The following MNAT1 variants were observed in gnomAD, a reference collection of about 807,000 sequenced individuals.
MNAT1 encodes MNAT1 component of CDK activating kinase.
MNAT1 carries 43 observed loss-of-function variants against 42.0 expected under a neutral mutation model. That is an observed-to-expected ratio of 1.02 (90% confidence interval 0.80 to 1.32). MNAT1 has a LOEUF of 1.32. Among genes scored for constraint, MNAT1 ranks in the 40% most tolerant of loss-of-function variants. The pLI is 0.00. For synonymous variants in MNAT1, 118 were observed against 120.0 expected, an observed-to-expected ratio of 0.98 and a Z score of 0.11; for missense variants, 306 against 350.4, an observed-to-expected ratio of 0.87 and a Z score of 1.01.
chr14:60,803,704 A>G (rs772827222), intron 3 of MNAT1, among the ~76,000 whole-genome samples: 1 of 152,218 alleles, frequency 6.6e-6, no homozygotes, highest in Non-Finnish European at 1.5e-5. Context: ...ATCTGGAGTA[A>G]GAAAACTAGA....
chr14:60,790,621 C>T (rs1276141215), intron 1 of MNAT1, among the ~76,000 whole-genome samples: 1 of 152,142 alleles, frequency 6.6e-6, no homozygotes, highest in African/African-American at 2.4e-5. Flanking sequence ...AAGCTGTACT[C>T]GACCACTTTG....
At position 60,869,040 on chromosome 14, in the gene MNAT1, A is replaced by ATATATATATATATATATATATTT. The variant is rs1465360826; in HGVS notation, c.688-10673_688-10672insATATATATATATATATATATTTT. Among the ~76,000 whole-genome samples, 339 of 112,900 alleles carry ATATATATATATATATATATATTT rather than the reference A, an allele frequency of 3.0e-3. 1 individual carries two copies. Among genetic ancestry groups the ATATATATATATATATATATATTT allele is most frequent in the Non-Finnish European group, 5.4e-3 (294 of 54,624 alleles). 74.1% of individuals were successfully genotyped at this position (112,900 alleles called of 152,430 possible). On this transcript the variant is annotated intron_variant, in intron 6 of 7. Transcript: ENST00000261245. The stretch of plus-strand genomic sequence containing the variant: ...ATTTTATACATATATATATATATAT[A>ATATATATATATATATATATATTT]TTTTTTTTTTTTTTTTTGAGACGGA...
At chr14:60,934,154 G>T (rs2035943868) in intron 7 of MNAT1, among the ~76,000 whole-genome samples, 1 of 152,166 alleles carries the variant, frequency 6.6e-6, no homozygotes, top group African/African-American at 2.4e-5. Context: ...CTGTTACTGG[G>T]CAAGTGTTCT....
chr14:60,966,503 T>G (rs1467597313), intron 7 of MNAT1, among the ~76,000 whole-genome samples: 5 of 151,988 alleles, frequency 3.3e-5, no homozygotes, highest in African/African-American at 9.7e-5. Context: ...GGAGAAAATA[T>G]TAAAACATTC....
rs142150812 is a variant in MNAT1, at chr14:60,832,454, T to A, written c.687+13607T>A. Among the ~76,000 whole-genome samples, 170 of 152,314 alleles carry A rather than the reference T, an allele frequency of 1.1e-3. No homozygotes were observed. The East Asian group carries it at 0.023, about 21-fold the overall frequency. On this transcript the variant is annotated intron_variant, in intron 6 of 7. Coordinates refer to ENST00000261245, the MANE Select transcript of MNAT1 (RefSeq NM_002431.4). ...TAGGGAATCCTTTCCCTATTGCTTGTTTTTGTCAGGTTTGTCAAAGATCAG... is the reference window on the plus strand; with the variant it reads ...TAGGGAATCCTTTCCCTATTGCTTGATTTTGTCAGGTTTGTCAAAGATCAG...
intron 5 of MNAT1, among the ~76,000 whole-genome samples, chr14:60,816,059 G>T (rs1408526540): frequency 6.6e-6 from 1 of 152,052 alleles, no homozygotes; most frequent in African/African-American, 2.4e-5. Context: ...AATAGCATTT[G>T]TAAATATGTC....
At chr14:60,911,498 T>C (rs2035362711) in intron 7 of MNAT1, among the ~76,000 whole-genome samples, 1 of 152,206 alleles carries the variant, frequency 6.6e-6, no homozygotes, top group Non-Finnish European at 1.5e-5. Flanking sequence ...GCTTTGAATG[T>C]GTCCCAGAGA....
chr14:60,739,060 C>T (rs1896389633), intron 1 of MNAT1, among the ~76,000 whole-genome samples: 2 of 152,202 alleles, frequency 1.3e-5, no homozygotes, highest in South Asian at 4.1e-4. Flanking sequence ...TTTCCAAGGT[C>T]ACTCATGTGG....
chr14:60,814,657 A>T (rs2032657220), intron 5 of MNAT1, among the ~76,000 whole-genome samples: 2 of 152,172 alleles, frequency 1.3e-5, no homozygotes, highest in Admixed American at 1.3e-4. Flanking sequence ...AGATTACTTA[A>T]ATTATAAGGA....
At chr14:60,798,212 T>G in intron 3 of MNAT1, 52 bp downstream of exon 3, 1 of 932,252 alleles carries the variant, frequency 1.1e-6, no homozygotes. Flanking sequence ...TGCTTTTATC[T>G]TTTAAATGCT....
chr14:60,968,580 C>CA lies in MNAT1; in HGVS notation c.*232dup, dbSNP rs1316239749. 1.6e-6 allele frequency: 2 copies of CA among 1,223,538 alleles called. No homozygotes were observed. The highest frequency in any genetic ancestry group is 2.2e-6 in the Non-Finnish European group (2 of 907,592). 75.8% of individuals were successfully genotyped at this position (1,223,538 alleles called of 1,614,324 possible). A position where few individuals can be genotyped will look rare whatever the true frequency, so the allele number is the denominator to read the frequency against. ...TCAGAGGATTTGACACGATAAGCCT[C>CA]ATCTGATGGAAGAGAGGAATAAATA... On this transcript the variant is annotated 3_prime_UTR_variant, in exon 8 of 8. Coordinates refer to ENST00000261245, the MANE Select transcript of MNAT1 (RefSeq NM_002431.4).
chr14:60,821,219 T>G (rs2032880829), intron 6 of MNAT1, among the ~76,000 whole-genome samples: 1 of 152,146 alleles, frequency 6.6e-6, no homozygotes, highest in South Asian at 2.1e-4. Flanking sequence ...TGAGCTCAAG[T>G]GATCCTCCTG....
intron 6 of MNAT1, among the ~76,000 whole-genome samples, chr14:60,828,934 C>T (rs1284335499): frequency 6.6e-6 from 1 of 152,128 alleles, no homozygotes; most frequent in Non-Finnish European, 1.5e-5. Context: ...CGTGCATCTT[C>T]CATGCCCTCT....
chr14:60,968,516 G>T lies in MNAT1; in HGVS notation c.*167G>T. On this transcript the variant is annotated 3_prime_UTR_variant, in exon 8 of 8. Transcript: ENST00000261245. ...TCAGAACTAAGTTGAGTAATATAGG[G>T]GATATATATTTGTGAAAAATAATTT... The T allele has an allele frequency of 6.8e-7, 1 of 1,467,448 alleles. No homozygotes were observed. The highest frequency in any genetic ancestry group is 2.7e-5 in the East Asian group (1 of 37,556). 90.9% of individuals were successfully genotyped at this position (1,467,448 alleles called of 1,614,324 possible). A position where few individuals can be genotyped will look rare whatever the true frequency, so the allele number is the denominator to read the frequency against.
intron 7 of MNAT1, among the ~76,000 whole-genome samples, chr14:60,900,050 C>CTCTCTCTCTG (rs1311639381): frequency 1.5e-5 from 2 of 132,848 alleles, no homozygotes; most frequent in Non-Finnish European, 3.3e-5. Flanking sequence ...GTTTCCCCAT[C>CTCTCTCTCTG]TCTCTCTCTC....
At chr14:60,829,674 T>C (rs1005519914) in intron 6 of MNAT1, among the ~76,000 whole-genome samples, 3 of 152,186 alleles carry the variant, frequency 2.0e-5, no homozygotes, top group Non-Finnish European at 4.4e-5. Flanking sequence ...AAAATCAGTA[T>C]TCTATGAGTG....
intron 1 of MNAT1, among the ~76,000 whole-genome samples, chr14:60,768,802 T>C (rs4151166): frequency 2.0e-5 from 3 of 152,218 alleles, no homozygotes; most frequent in Non-Finnish European, 4.4e-5. Context: ...CTAGGCCTCA[T>C]TGATGACAAA....
At chr14:60,901,789 T>C (rs1219410572) in intron 7 of MNAT1, among the ~76,000 whole-genome samples, 1 of 152,184 alleles carries the variant, frequency 6.6e-6, no homozygotes, top group Non-Finnish European at 1.5e-5. Context: ...TAATAAAACT[T>C]GAACAAATGA....
intron 1 of MNAT1, chr14:60,779,944 CTTTG>C (rs914971887): frequency 4.9e-6 from 7 of 1,429,124 alleles, no homozygotes; most frequent in South Asian, 4.6e-5. Flanking sequence ...AAGCGCGTGC[CTTTG>C]TTTGTGTCCC....
Sources: gnomAD v4.1 joint callset for allele counts (sites outside exome capture counted in the v4.1 genomes callset) on GRCh38, gnomAD v4.1.1 for gene constraint, MANE v1.5 for transcripts, NCBI Gene and HGNC (gene_info 2026-07-23, HGNC 2026-07-21) for gene names.